The following SLC35F3 variants were observed in gnomAD, a reference collection of about 807,000 sequenced individuals.
SLC35F3 encodes the protein solute carrier family 35 member F3, also known as putative thiamine transporter SLC35F3.
A neutral mutation model predicts 49.9 loss-of-function variants in SLC35F3; 25 were observed. The ratio of observed to expected loss-of-function variants is 0.50; its 90% CI spans 0.37 to 0.70. The LOEUF is 0.70. Ranked by LOEUF, SLC35F3 falls within the 30% of genes least tolerant of loss-of-function variation. The pLI, the probability that SLC35F3 is intolerant of heterozygous loss-of-function variation, is 0.00. For synonymous variants in SLC35F3, 275 were observed against 265.4 expected (o/e 1.04, Z -0.35); for missense variants, 525 against 639.8 (o/e 0.82, Z 1.94).
intron 3 of SLC35F3, among the ~76,000 whole-genome samples, chr1:234,266,873 GTTTT>G (rs34040004): frequency 9.2e-6 from 1 of 108,646 alleles, no homozygotes; most frequent in Non-Finnish European, 1.8e-5. Context: ...GAAGCACATG[GTTTT>G]TTTTTTTTTT....
In SLC35F3 at chr1:234,311,076, C is replaced by T. The variant is rs192944226; in HGVS notation, c.828+1756C>T. Among the ~76,000 whole-genome samples the T allele has an allele frequency of 3.3e-5, 5 of 152,278 alleles. No homozygotes were observed. The East Asian group carries it at 5.8e-4, about 18-fold the overall frequency. On this transcript the variant is annotated intron_variant, in intron 4 of 7. Coordinates refer to ENST00000366618, the MANE Select transcript of SLC35F3 (RefSeq NM_173508.4). ...GAATGAAGATCCCAGGAGCCAGTGT[C>T]GGTGATGGCATTGATGGCATTTTGT...
intron 2 of SLC35F3, among the ~76,000 whole-genome samples, chr1:234,081,093 C>G (rs540988608): frequency 6.4e-4 from 98 of 152,280 alleles, no homozygotes; most frequent in South Asian, 1.2e-3. Context: ...TCAATAATAG[C>G]CTCCCACCTG....
chr1:233,952,415 T>C (rs1489888340), intron 2 of SLC35F3, among the ~76,000 whole-genome samples: 1 of 152,216 alleles, frequency 6.6e-6, no homozygotes, highest in African/African-American at 2.4e-5. Context: ...CCAATATAGC[T>C]GGAAATTCCT....
intron 2 of SLC35F3, among the ~76,000 whole-genome samples, chr1:234,111,285 A>G (rs1665402035): frequency 6.6e-6 from 1 of 151,750 alleles, no homozygotes; most frequent in Non-Finnish European, 1.5e-5. Context: ...AGGCCCCTGT[A>G]TTTTTTGTTT....
intron 3 of SLC35F3, among the ~76,000 whole-genome samples, chr1:234,281,845 G>A (rs1468136846): frequency 1.3e-5 from 2 of 152,128 alleles, no homozygotes; most frequent in Non-Finnish European, 2.9e-5. Flanking sequence ...TGTCTCGGGG[G>A]TAGAGTACAT....
At chr1:234,176,218 T>G (rs1335515862) in intron 2 of SLC35F3, among the ~76,000 whole-genome samples, 1 of 152,210 alleles carries the variant, frequency 6.6e-6, no homozygotes, top group African/African-American at 2.4e-5. Flanking sequence ...CTGCTGCACT[T>G]GGCAGCTCCC....
At chr1:234,141,769 A>G (rs1007980255) in intron 2 of SLC35F3, among the ~76,000 whole-genome samples, 1 of 152,084 alleles carries the variant, frequency 6.6e-6, no homozygotes, top group Admixed American at 6.5e-5. Context: ...ACCTTTGCCC[A>G]TGTTAAACCT....
intron 3 of SLC35F3, among the ~76,000 whole-genome samples, chr1:234,255,779 A>G (rs1467972158): frequency 6.6e-6 from 1 of 152,214 alleles, no homozygotes; most frequent in African/African-American, 2.4e-5. Context: ...GGATGAAGGG[A>G]TGAATCAGTG....
At chr1:234,042,152 A>T (rs1442140319) in intron 2 of SLC35F3, among the ~76,000 whole-genome samples, 1 of 152,184 alleles carries the variant, frequency 6.6e-6, no homozygotes, top group African/African-American at 2.4e-5. Context: ...AACAGCTGCC[A>T]CTGACAGAGT....
At chr1:233,986,526 GTTATATA>G (rs368920282) in intron 2 of SLC35F3, among the ~76,000 whole-genome samples, 45 of 152,144 alleles carry the variant, frequency 3.0e-4, no homozygotes, top group African/African-American at 1.1e-3. Flanking sequence ...ATTATATGTT[GTTATATA>G]TTATATACTA....
At chr1:233,925,653 G>T (rs1451663020) in intron 2 of SLC35F3, among the ~76,000 whole-genome samples, 1 of 152,150 alleles carries the variant, frequency 6.6e-6, no homozygotes, top group African/African-American at 2.4e-5. Context: ...ATATTGTTAT[G>T]TGTGAATTTG....
intron 2 of SLC35F3, among the ~76,000 whole-genome samples, chr1:233,981,833 T>G (rs1663191105): frequency 6.6e-6 from 1 of 152,236 alleles, no homozygotes; most frequent in Admixed American, 6.5e-5. Context: ...GCGTTTGATG[T>G]CATTGCTATT....
At chr1:234,055,298 G>A (rs1204496653) in intron 2 of SLC35F3, among the ~76,000 whole-genome samples, 2 of 152,148 alleles carry the variant, frequency 1.3e-5, no homozygotes, top group Non-Finnish European at 2.9e-5. Flanking sequence ...GCTGCAGTGG[G>A]CTCCACTCAG....
In SLC35F3 at chr1:233,904,961, C is replaced by A; in HGVS notation, c.-117C>A. The A allele has an allele frequency of 8.3e-7, 1 of 1,207,040 alleles. No homozygotes were observed. Among genetic ancestry groups the A allele is most frequent in the Non-Finnish European group, 1.1e-6 (1 of 873,670 alleles). 74.8% of individuals were successfully genotyped at this position (1,207,040 alleles called of 1,614,324 possible). On this transcript the variant is annotated 5_prime_UTR_variant, in exon 1 of 8. Transcript: ENST00000366618. ...GCGGCCCGGGGCGGCCGGCGCGGCG[C>A]AGACCCTCGGTGGGCAGCGCACTCC...
At chr1:234,279,463 C>T (rs1001804591) in intron 3 of SLC35F3, among the ~76,000 whole-genome samples, 8 of 152,078 alleles carry the variant, frequency 5.3e-5, no homozygotes, top group African/African-American at 1.7e-4. Flanking sequence ...AGAGGGGAGA[C>T]GAACATGAGG....
intron 2 of SLC35F3, among the ~76,000 whole-genome samples, chr1:234,185,189 T>TG (rs1558253492): frequency 6.6e-6 from 1 of 151,330 alleles, no homozygotes; most frequent in Non-Finnish European, 1.5e-5. Flanking sequence ...CATTCTGGGG[T>TG]GGGGGTGTAC....
At chr1:234,256,650 C>A (rs1490044336) in intron 3 of SLC35F3, among the ~76,000 whole-genome samples, 1 of 152,218 alleles carries the variant, frequency 6.6e-6, no homozygotes, top group Non-Finnish European at 1.5e-5. Flanking sequence ...CTCTGCTTCA[C>A]CTTTTGATGT....
At chr1:233,909,090 C>CTTGTGA (rs1312245489) in intron 2 of SLC35F3, among the ~76,000 whole-genome samples, 3 of 152,180 alleles carry the variant, frequency 2.0e-5, no homozygotes, top group Non-Finnish European at 2.9e-5. Context: ...AACTCCTGAT[C>CTTGTGA]TTGTGATCTG....
At chr1:233,998,847 G>A (rs896890693) in intron 2 of SLC35F3, among the ~76,000 whole-genome samples, 1 of 152,106 alleles carries the variant, frequency 6.6e-6, no homozygotes, top group East Asian at 1.9e-4. Context: ...GTGTTCTTAC[G>A]TGATCATTTT....
Sources: gnomAD v4.1 joint callset for allele counts (sites outside exome capture counted in the v4.1 genomes callset) on GRCh38, gnomAD v4.1.1 for gene constraint, MANE v1.5 for transcripts, NCBI Gene and HGNC (gene_info 2026-07-23, HGNC 2026-07-21) for gene names.